PFKP: variants seen among roughly 807,000 people sequenced by gnomAD.
PFKP encodes phosphofructokinase, platelet.
Under a neutral mutation model 94.3 loss-of-function variants are expected in PFKP, and 101 were observed. That is an observed-to-expected ratio of 1.07 (90% CI 0.91 to 1.26). The LOEUF is 1.26. Among genes scored for constraint, PFKP ranks in the 50% most tolerant of loss-of-function variants. The pLI, the probability that PFKP is intolerant of heterozygous loss-of-function variation, is 0.00. For missense variants in PFKP, 1,145 were observed against 1,103.3 expected, an observed-to-expected ratio of 1.04 and a Z score of -0.53; for synonymous variants, 573 against 432.6, an observed-to-expected ratio of 1.32 and a Z score of -4.03.
chr10:3,076,017 CAAAAAAAAAAAAA>C (rs59102828), intron 1 of PFKP, among the ~76,000 whole-genome samples: 1 of 61,852 alleles, frequency 1.6e-5, no homozygotes, highest in African/African-American at 5.9e-5. Context: ...GACTCCGTCT[CAAAAAAAAAAAAA>C]AAAAAAAAAA....
chr10:3,121,105 G>A (rs1837353942), intron 16 of PFKP, among the ~76,000 whole-genome samples: 1 of 152,154 alleles, frequency 6.6e-6, no homozygotes, highest in Admixed American at 6.5e-5. Flanking sequence ...GGTAAGTAAT[G>A]CTTAGCACTC....
At chr10:3,088,392 A>G (rs550324017) in intron 2 of PFKP, among the ~76,000 whole-genome samples, 1 of 152,182 alleles carries the variant, frequency 6.6e-6, no homozygotes, top group East Asian at 1.9e-4. Context: ...AATCCAGTCT[A>G]TCACTGATGG....
At chr10:3,096,085 G>A (rs955918246) in intron 2 of PFKP, among the ~76,000 whole-genome samples, 1 of 152,210 alleles carries the variant, frequency 6.6e-6, no homozygotes, top group African/African-American at 2.4e-5. Flanking sequence ...GAAGCAAGAG[G>A]ATTCGTTAAC....
At chr10:3,119,211 C>A (rs1405797234) in intron 15 of PFKP, among the ~76,000 whole-genome samples, 2 of 152,138 alleles carry the variant, frequency 1.3e-5, no homozygotes, top group Non-Finnish European at 2.9e-5. Flanking sequence ...GGTAGTTATA[C>A]CTAGAATTTT....
Position 3,133,299 on chromosome 10 carries a change from G to A in PFKP, c.2007G>A (p.Leu669=). 1.2e-6 allele frequency: 2 copies of A among 1,611,980 alleles called. No individual in the cohort carries two copies. Among genetic ancestry groups the A allele is most frequent in the Admixed American group, 1.7e-5 (1 of 60,020 alleles). Residue 669 remains leucine, a synonymous_variant, in exon 19 of 22, where the codon CTG becomes CTA. Coordinates refer to ENST00000381125, the MANE Select transcript of PFKP (RefSeq NM_002627.5). The stretch of plus-strand genomic sequence containing the variant: ...TGTTTGACTGCAGGAAGAACGTGCT[G>A]GGTCACATGCAGCAGGTAGGCCCGA... ...KGVFDCRKNV[L]GHMQQGGAPS... is the part of the protein sequence containing the mutation.
chr10:3,100,150 G>A (rs1329983233), intron 3 of PFKP, among the ~76,000 whole-genome samples: 7 of 151,518 alleles, frequency 4.6e-5, no homozygotes, highest in East Asian at 1.9e-4. Flanking sequence ...TCCTGGTTTC[G>A]TTCCTGAGTT....
Position 3,090,788 on chromosome 10 carries a change from C to A in PFKP, c.186+8327C>A, listed in dbSNP as rs373129051. 2.6e-5 allele frequency among the ~76,000 whole-genome samples: 4 copies of A among 151,980 alleles called. 1 individual carries two copies. In the South Asian group the frequency reaches 8.4e-4, roughly 32 times the overall value. ...GGGGAAAATCACTCTTTTGGGGGAC[C>A]GCTGTTCTAGACCTATTTGGGCTCA... On this transcript the variant is annotated intron_variant, in intron 2 of 21. Coordinates refer to ENST00000381125, the MANE Select transcript of PFKP (RefSeq NM_002627.5).
intron 13 of PFKP, among the ~76,000 whole-genome samples, chr10:3,115,941 C>T (rs1335399712): frequency 6.6e-6 from 1 of 152,148 alleles, no homozygotes; most frequent in Non-Finnish European, 1.5e-5. Context: ...GTTGGCCCAT[C>T]CACCCGCATC....
intron 1 of PFKP, among the ~76,000 whole-genome samples, chr10:3,075,022 A>C (rs1832472756): frequency 6.6e-6 from 1 of 152,192 alleles, no homozygotes; most frequent in Non-Finnish European, 1.5e-5. Flanking sequence ...AATTAACTAA[A>C]AGTATCCCTT....
At chr10:3,100,939 G>A (rs745732951) in intron 3 of PFKP, 22 of 1,611,380 alleles carry the variant, frequency 1.4e-5, no homozygotes, top group South Asian at 1.1e-4. Flanking sequence ...AGGGGTGACT[G>A]GAGGGAGAAG....
intron 16 of PFKP, among the ~76,000 whole-genome samples, chr10:3,123,577 C>T (rs555990549): frequency 3.4e-4 from 52 of 152,316 alleles, no homozygotes; most frequent in Non-Finnish European, 3.1e-4. Flanking sequence ...GTCACCCACA[C>T]CGTCTGGCTT....
intron 13 of PFKP, among the ~76,000 whole-genome samples, chr10:3,114,752 G>A (rs1836620884): frequency 2.0e-5 from 3 of 152,258 alleles, no homozygotes; most frequent in African/African-American, 4.8e-5. Context: ...AGGGGCGGGG[G>A]CTCCAAGCCC....
chr10:3,104,335 G>T (rs565287832), intron 5 of PFKP, among the ~76,000 whole-genome samples: 1 of 152,236 alleles, frequency 6.6e-6, no homozygotes, highest in Non-Finnish European at 1.5e-5. Flanking sequence ...ACGAAGTGTC[G>T]TGGGGGCCAC....
rs757373886 is a variant in PFKP, at chr10:3,101,388, G to A, written c.288G>A (p.Ala96=). 5.2e-5 allele frequency: 83 copies of A among 1,595,562 alleles called. No individual in the cohort carries two copies. The highest frequency in any genetic ancestry group is 6.1e-5 in the Non-Finnish European group (71 of 1,171,492). The change falls in exon 4 of 22, where the codon GCG becomes GCA. Residue 96 remains alanine, a synonymous_variant. Transcript: ENST00000381125. ...LQVGGTIIGS[A]RCQAFRTREG... is the part of the protein sequence containing the mutation. ...AGGGCGGGACGATCATTGGCAGTGCGCGGTGCCAGGCCTTCCGCACGCGGG... is the reference window on the plus strand; with the variant it reads ...AGGGCGGGACGATCATTGGCAGTGCACGGTGCCAGGCCTTCCGCACGCGGG...
chr10:3,079,223 C>A (rs1016486343), intron 1 of PFKP, among the ~76,000 whole-genome samples: 1 of 144,122 alleles, frequency 6.9e-6, no homozygotes, highest in Admixed American at 7.2e-5. Context: ...CTGGGGTCAC[C>A]TTGTGTATCA....
At chr10:3,130,215 CTTGT>C (rs10578594) in intron 17 of PFKP, among the ~76,000 whole-genome samples, 37,567 of 152,040 alleles carry the variant, frequency 0.25, 4,707 homozygotes, top group East Asian at 0.3. Flanking sequence ...GAAACACAAG[CTTGT>C]TTGTTTGACA....
At chr10:3,126,962 G>A (rs1048412890) in intron 16 of PFKP, among the ~76,000 whole-genome samples, 6 of 152,372 alleles carry the variant, frequency 3.9e-5, no homozygotes, top group Non-Finnish European at 8.8e-5. Context: ...CTGTCCACGT[G>A]CCAGCCCTGG....
chr10:3,075,738 A>G (rs1832526253), intron 1 of PFKP, among the ~76,000 whole-genome samples: 1 of 150,668 alleles, frequency 6.6e-6, no homozygotes, highest in Non-Finnish European at 1.5e-5. Context: ...CCTAGTCTCT[A>G]CAAAAAATAC....
chr10:3,119,520 G>T (rs529338070), intron 15 of PFKP, among the ~76,000 whole-genome samples: 1 of 152,188 alleles, frequency 6.6e-6, no homozygotes, highest in Admixed American at 6.5e-5. Flanking sequence ...CAGGAGAATC[G>T]CTTGAACCCG....
Sources: gnomAD v4.1 joint callset for allele counts (sites outside exome capture counted in the v4.1 genomes callset) on GRCh38, gnomAD v4.1.1 for gene constraint, MANE v1.5 for transcripts, NCBI Gene and HGNC (gene_info 2026-07-23, HGNC 2026-07-21) for gene names.